MRE11: variants seen among roughly 807,000 people sequenced by gnomAD.
MRE11 encodes the protein MRE11 double strand break repair nuclease.
A neutral mutation model predicts 91.7 loss-of-function variants in MRE11; 62 were observed. The ratio of observed to expected loss-of-function variants is 0.68; its 90% CI spans 0.55 to 0.84. The LOEUF (loss-of-function observed/expected upper bound fraction) is 0.84. Among genes scored for constraint, MRE11 ranks in the 40% least tolerant of loss-of-function variants. The pLI, the probability that MRE11 is intolerant of heterozygous loss-of-function variation, is 0.00. For synonymous variants in MRE11, 273 were observed against 271.4 expected (o/e 1.01, Z -0.06); for missense variants, 796 against 852.9 (o/e 0.93, Z 0.83).
At chr11:94,475,751 T>G (rs557975074) in intron 7 of MRE11, 18 of 391,596 alleles carry the variant, frequency 4.6e-5, no homozygotes, top group South Asian at 3.4e-4. Flanking sequence ...CAGCAAGGTT[T>G]ATAAAAGCAA....
chr11:94,423,926 G>GA (rs541874918), intron 19 of MRE11, among the ~76,000 whole-genome samples: 10 of 152,202 alleles, frequency 6.6e-5, no homozygotes, highest in Non-Finnish European at 1.5e-4. Context: ...GCCAGTGCAG[G>GA]AATGGGACAT....
At chr11:94,488,873 T>G (rs192352111) in intron 3 of MRE11, among the ~76,000 whole-genome samples, 1 of 152,238 alleles carries the variant, frequency 6.6e-6, no homozygotes, top group East Asian at 1.9e-4. Flanking sequence ...CAAAATAATC[T>G]GTACAACAAT....
In MRE11 at chr11:94,445,790, C is replaced by A. The variant is rs1284127526; in HGVS notation, c.1867+20G>T. 6.5e-7 allele frequency: 1 copy of A among 1,544,390 alleles called. No homozygotes were observed. The highest frequency in any genetic ancestry group is 1.1e-5 in the South Asian group (1 of 89,696). On this transcript the variant is annotated intron_variant, in intron 16 of 19. Transcript: ENST00000323929. ...TCTAATGTTGGAATTTATAAATAAT[C>A]ACTTGCAGTCTATACTCACCATCTA...
chr11:94,457,356 T>C (rs536612548), intron 13 of MRE11, among the ~76,000 whole-genome samples: 2 of 151,806 alleles, frequency 1.3e-5, no homozygotes, highest in Admixed American at 1.3e-4. Context: ...GAAGAATGAG[T>C]CAGCAAATAC....
intron 14 of MRE11, among the ~76,000 whole-genome samples, chr11:94,449,731 T>C (rs569972719): frequency 6.6e-5 from 10 of 152,360 alleles, no homozygotes; most frequent in African/African-American, 2.2e-4. Context: ...ACCCAGACTA[T>C]AGGAGATAGC....
intron 4 of MRE11, among the ~76,000 whole-genome samples, chr11:94,485,545 C>T (rs11020799): frequency 0.5 from 76,190 of 150,916 alleles, 20,021 homozygotes; most frequent in African/African-American, 0.66. Context: ...GCAGAGGATA[C>T]GAACAGGAGA....
chr11:94,504,995 C>A, the MRE11 span, among the ~76,000 whole-genome samples: 55 of 152,182 alleles, frequency 3.6e-4, no homozygotes, highest in South Asian at 0.011. Context: ...TCCTATCACC[C>A]AGTGATGTGG....
chr11:94,437,164 CTTTT>C lies in MRE11; in HGVS notation c.1926+9_1926+12del. ...AAATTATTAATACACAACCATAAAA[CTTTT>C]TTTCTTACCTCTGAATAATTCTTAG... is the stretch of plus-strand genomic sequence containing the variant. On this transcript the variant is annotated intron_variant, in intron 17 of 19. Transcript: ENST00000323929. 1 of 1,607,322 alleles carries C rather than the reference CTTTT, an allele frequency of 6.2e-7. No homozygotes were observed. Among genetic ancestry groups the C allele is most frequent in the South Asian group, 1.1e-5 (1 of 90,234 alleles).
chr11:94,483,989 T>C (rs1320274082), intron 4 of MRE11: 2 of 152,264 alleles, frequency 1.3e-5, no homozygotes, highest in East Asian at 1.9e-4. Flanking sequence ...ACATGTAACA[T>C]CCAGATCTTG....
chr11:94,487,849 T>C (rs1479225473), intron 3 of MRE11, among the ~76,000 whole-genome samples: 1 of 152,226 alleles, frequency 6.6e-6, no homozygotes, highest in Non-Finnish European at 1.5e-5. Flanking sequence ...GAGACTGATG[T>C]TGTTTCAAAA....
chr11:94,464,353 GAATT>G lies in MRE11; in HGVS notation c.1099-118_1099-115del, dbSNP rs200364698. 1,774 of 1,389,116 alleles carry G rather than the reference GAATT, an allele frequency of 1.3e-3. 11 individuals are homozygous for G. The African/African-American group carries it at 0.019, about 15-fold the overall frequency. The allele number at this position is 1,389,116 out of a possible 1,614,324, so 86.0% of individuals were successfully genotyped here. A position where few individuals can be genotyped will look rare whatever the true frequency, so the allele number is the denominator to read the frequency against. The stretch of plus-strand genomic sequence containing the variant: ...TTATGCTTGATACTTTGAAATTTAT[GAATT>G]AATTTTCTACAGTAGATCATGATGG... On this transcript the variant is annotated intron_variant, in intron 10 of 19. Coordinates refer to ENST00000323929, the MANE Select transcript of MRE11 (RefSeq NM_005591.4).
chr11:94,471,715 T>C lies in MRE11; in HGVS notation c.704A>G (p.Asp235Gly), dbSNP rs1226604148. ...STNFIPEQFL[D>G]DFIDLVIWGH... ...CCAGATAACAAGATCAATGAAGTCA[T>C]CCAAAAATTGTTCTGGAATGAAGTT... is the stretch of plus-strand genomic sequence containing the variant. The change falls in exon 8 of 20, where the codon GAT (aspartate) becomes GGT (glycine). Residue 235 changes from aspartate to glycine, a missense_variant. Coordinates refer to ENST00000323929, the MANE Select transcript of MRE11 (RefSeq NM_005591.4). 1.9e-6 allele frequency: 3 copies of C among 1,612,544 alleles called. No homozygotes were observed. The highest frequency in any genetic ancestry group is 2.5e-6 in the Non-Finnish European group (3 of 1,179,038).
intron 16 of MRE11, among the ~76,000 whole-genome samples, chr11:94,443,918 A>AT (rs71036324): frequency 1.5e-3 from 205 of 135,152 alleles, no homozygotes; most frequent in South Asian, 5.4e-3. Flanking sequence ...CCTTCAACCA[A>AT]TTTTTTTTTT....
Position 94,493,429 on chromosome 11 carries a change from T to C in MRE11, c.-106+362A>G, listed in dbSNP as rs13447585. On this transcript the variant is annotated intron_variant, in intron 1 of 19. Transcript: ENST00000323929. The stretch of plus-strand genomic sequence containing the variant: ...GGAACACCTTTAAGCACCAGCAGGA[T>C]GACTGAAAATAGCCAGGTTTGGGGA... Among the ~76,000 whole-genome samples the C allele has an allele frequency of 1.9e-3, 291 of 152,222 alleles. 4 individuals carry two copies. The highest frequency in any genetic ancestry group is 0.018 in the Admixed American group (281 of 15,294).
chr11:94,447,577 T>C (rs907113921), intron 14 of MRE11, 139 bp from the exon 15 acceptor site: 6 of 865,856 alleles, frequency 6.9e-6, no homozygotes, highest in Non-Finnish European at 1.1e-5. Flanking sequence ...GCCTGTAATC[T>C]CAGCACTTTG....
Position 94,417,458 on chromosome 11 carries a change from T to C in MRE11, c.*2667A>G, listed in dbSNP as rs1945057849. 1 of 233,010 alleles carries C rather than the reference T, an allele frequency of 4.3e-6. No homozygotes were observed. Among genetic ancestry groups the C allele is most frequent in the East Asian group, 6.1e-5 (1 of 16,496 alleles). The allele number at this position is 233,010 out of a possible 1,614,324, so 14.4% of individuals were successfully genotyped here. A position where few individuals can be genotyped will look rare whatever the true frequency, so the allele number is the denominator to read the frequency against. The stretch of plus-strand genomic sequence containing the variant: ...AATTACATGATTAGAAGGCTAATTA[T>C]GGTATTACTGCATAGGTTTAGTATT... On this transcript the variant is annotated 3_prime_UTR_variant, in exon 20 of 20. Coordinates refer to ENST00000323929, the MANE Select transcript of MRE11 (RefSeq NM_005591.4).
At chr11:94,466,154 C>T (rs957031800) in intron 10 of MRE11, among the ~76,000 whole-genome samples, 1 of 152,172 alleles carries the variant, frequency 6.6e-6, no homozygotes. Context: ...AACTCCACTG[C>T]ACCCAGGGGA....
At chr11:94,478,422 G>T (rs13447613) in intron 6 of MRE11, among the ~76,000 whole-genome samples, 3 of 152,088 alleles carry the variant, frequency 2.0e-5, no homozygotes, top group East Asian at 3.9e-4. Flanking sequence ...ATAAGCTAGC[G>T]GTATTGTACA....
At chr11:94,511,893 AAGTT>A in the MRE11 span, among the ~76,000 whole-genome samples, 1 of 152,242 alleles carries the variant, frequency 6.6e-6, no homozygotes, top group Non-Finnish European at 1.5e-5. Flanking sequence ...TTCATCTGTA[AAGTT>A]AGTTATTAGT....
Sources: gnomAD v4.1 joint callset for allele counts (sites outside exome capture counted in the v4.1 genomes callset) on GRCh38, gnomAD v4.1.1 for gene constraint, MANE v1.5 for transcripts, NCBI Gene and HGNC (gene_info 2026-07-23, HGNC 2026-07-21) for gene names.